The following CC2D2B variants were observed in gnomAD, a reference collection of about 807,000 sequenced individuals.
CC2D2B encodes the protein coiled-coil and C2 domain containing 2B.
CC2D2B carries 128 observed loss-of-function variants against 161.2 expected under a neutral mutation model. The ratio of observed to expected loss-of-function variants is 0.79; its 90% CI spans 0.69 to 0.92. The LOEUF (loss-of-function observed/expected upper bound fraction) is 0.92. Ranked by LOEUF, CC2D2B falls within the 40% of genes least tolerant of loss-of-function variation. CC2D2B has a pLI of 0.00. For missense variants in CC2D2B, 1,173 were observed against 1,375.1 expected (o/e 0.85, Z 2.32); for synonymous variants, 391 against 449.8 (o/e 0.87, Z 1.65).
chr10:95,946,301 T>C (rs560961205), intron 9 of CC2D2B, among the ~76,000 whole-genome samples: 65 of 152,246 alleles, frequency 4.3e-4, no homozygotes, highest in Non-Finnish European at 7.9e-4. Context: ...CCACCTCATT[T>C]ACCCTCCTCT....
Position 96,027,276 on chromosome 10 carries a change from C to T in CC2D2B, c.4012C>T (p.Arg1338Ter), listed in dbSNP as rs374616081. 1,898 of 1,550,958 alleles carry T rather than the reference C, an allele frequency of 1.2e-3. 37 individuals are homozygous for T. The South Asian group carries it at 0.019, about 16-fold the overall frequency. ...ACCTAAACACCCAACACATTGGAAT[C>T]GACAGTGTACTTTTATTTTGCGACA... is the stretch of plus-strand genomic sequence containing the variant. ...WRPKHPTHWNRQCTFILRQIL... is the reference protein window; with the variant it reads ...WRPKHPTHWN Residue 1338 changes from arginine to a stop codon, truncating the protein, a stop_gained, in exon 34 of 35, where the codon CGA becomes TGA. Coordinates refer to ENST00000646931, the MANE Select transcript of CC2D2B (RefSeq NM_001349008.3). LOFTEE classifies it high-confidence loss of function.
chr10:96,005,149 C>T (rs894924710), intron 25 of CC2D2B, among the ~76,000 whole-genome samples: 2 of 152,092 alleles, frequency 1.3e-5, no homozygotes, highest in Non-Finnish European at 2.9e-5. Context: ...TTTTGATGAT[C>T]GAAATTGGTA....
intron 19 of CC2D2B, among the ~76,000 whole-genome samples, chr10:95,985,346 G>A (rs1237665101): frequency 6.6e-6 from 1 of 152,218 alleles, no homozygotes; most frequent in African/African-American, 2.4e-5. Flanking sequence ...ACCAGCTGAA[G>A]CCATGGCAGA....
intron 2 of CC2D2B, chr10:95,919,961 A>T (rs1673054774): frequency 6.6e-6 from 1 of 151,604 alleles, no homozygotes; most frequent in Non-Finnish European, 1.5e-5. Flanking sequence ...GCCAGTGGTG[A>T]CTATACCCTG....
Position 95,996,257 on chromosome 10 carries a change from G to C in CC2D2B, c.2849+5G>C. ...AGAAATTAAAGTAGATTTTGTGTAA[G>C]TTGGAGTTCATTTTTCCATAGCTCC... is the stretch of plus-strand genomic sequence containing the variant. On this transcript the variant is annotated splice_donor_5th_base_variant and intron_variant, in intron 24 of 34. Coordinates refer to ENST00000646931, the MANE Select transcript of CC2D2B (RefSeq NM_001349008.3). 7.6e-7 allele frequency: 1 copy of C among 1,310,980 alleles called. No individual in the cohort carries two copies. The highest frequency in any genetic ancestry group is 1.0e-6 in the Non-Finnish European group (1 of 971,518). 81.2% of individuals were successfully genotyped at this position (1,310,980 alleles called of 1,614,324 possible).
At chr10:96,011,352 C>T (rs1334925787) in intron 26 of CC2D2B, among the ~76,000 whole-genome samples, 1 of 152,136 alleles carries the variant, frequency 6.6e-6, no homozygotes, top group Admixed American at 6.6e-5. Context: ...CAAAGGTGGA[C>T]ACATCTGGGT....
intron 5 of CC2D2B, among the ~76,000 whole-genome samples, chr10:95,926,815 A>AGTGTGT (rs71486778): frequency 0.016 from 2,124 of 135,012 alleles, 43 homozygotes; most frequent in African/African-American, 0.03. Context: ...CTGAGGTGGC[A>AGTGTGT]GTGTGTGTGT....
intron 14 of CC2D2B, 131 bp downstream of exon 14, chr10:95,966,433 A>T (rs2076942623): frequency 2.8e-6 from 1 of 356,934 alleles, no homozygotes; most frequent in Non-Finnish European, 4.9e-6. Flanking sequence ...ACACATTTTC[A>T]TATTTAATTG....
intron 24 of CC2D2B, among the ~76,000 whole-genome samples, chr10:95,998,134 C>A (rs564058391): frequency 1.3e-5 from 2 of 151,530 alleles, no homozygotes; most frequent in East Asian, 3.9e-4. Flanking sequence ...CAATTTTAGG[C>A]TCACAAGAAA....
At chr10:96,019,428 A>T in intron 31 of CC2D2B, 91 bp downstream of exon 31, 2 of 1,255,060 alleles carry the variant, frequency 1.6e-6, no homozygotes, top group Non-Finnish European at 2.2e-6. Flanking sequence ...TTAAATATAG[A>T]TAGTCTATCA....
At position 95,941,250 on chromosome 10, in the gene CC2D2B, C is replaced by T. The variant is rs116911263; in HGVS notation, c.801+2325C>T. On this transcript the variant is annotated intron_variant, in intron 9 of 34. Transcript: ENST00000646931. The stretch of plus-strand genomic sequence containing the variant: ...AAACTATAAAACTCCTAGATGAGAA[C>T]GTGGAGGAAAGCCTTTATAACATCG... Among the ~76,000 whole-genome samples, 1,244 of 152,186 alleles carry T rather than the reference C, an allele frequency of 8.2e-3. 12 individuals carry two copies. The highest frequency in any genetic ancestry group is 0.011 in the Non-Finnish European group (732 of 67,980).
In CC2D2B at chr10:96,032,798, T is replaced by G. The variant is rs532313303; in HGVS notation, c.*790T>G. The G allele has an allele frequency of 2.1e-6, 1 of 470,372 alleles. No individual in the cohort carries two copies. Among genetic ancestry groups the G allele is most frequent in the Non-Finnish European group, 4.4e-6 (1 of 226,688 alleles). 29.1% of individuals were successfully genotyped at this position (470,372 alleles called of 1,614,324 possible). Reference sequence around the variant, plus strand: ...CCAGGAAACTCTAATTTCTCCCAATTCTGTGAGGGAGGAAATGGTCTTGAC... The same window carrying G: ...CCAGGAAACTCTAATTTCTCCCAATGCTGTGAGGGAGGAAATGGTCTTGAC... On this transcript the variant is annotated 3_prime_UTR_variant, in exon 35 of 35. Coordinates refer to ENST00000646931, the MANE Select transcript of CC2D2B (RefSeq NM_001349008.3).
At chr10:95,977,423 C>T (rs2077359941) in intron 17 of CC2D2B, among the ~76,000 whole-genome samples, 1 of 152,058 alleles carries the variant, frequency 6.6e-6, no homozygotes, top group African/African-American at 2.4e-5. Context: ...AAAAAAACAC[C>T]ACACCTCTCT....
chr10:95,971,476 A>G (rs1411726674), intron 15 of CC2D2B, among the ~76,000 whole-genome samples: 1 of 151,950 alleles, frequency 6.6e-6, no homozygotes, highest in Non-Finnish European at 1.5e-5. Flanking sequence ...ATATAGAATT[A>G]GAAGACCTGG....
intron 17 of CC2D2B, among the ~76,000 whole-genome samples, chr10:95,977,788 T>C (rs2077371547): frequency 6.6e-6 from 1 of 152,238 alleles, no homozygotes; most frequent in Non-Finnish European, 1.5e-5. Context: ...GGATTTATCA[T>C]TGCTATTTAT....
chr10:95,938,763 A>G lies in CC2D2B; in HGVS notation c.673-34A>G, dbSNP rs1422622270. 4.3e-6 allele frequency: 3 copies of G among 703,314 alleles called. No homozygotes were observed. In the East Asian group the frequency reaches 8.1e-5, roughly 19 times the overall value. 43.6% of individuals were successfully genotyped at this position (703,314 alleles called of 1,614,324 possible). A position where few individuals can be genotyped will look rare whatever the true frequency, so the allele number is the denominator to read the frequency against. On this transcript the variant is annotated intron_variant, in intron 8 of 34. Coordinates refer to ENST00000646931, the MANE Select transcript of CC2D2B (RefSeq NM_001349008.3). ...GCTACTATGTGACTTATTTAGCAAA[A>G]TATTTAATTACTATACTTAAATATT...
rs955941226 is a variant in CC2D2B at position 96,026,085 on chromosome 10, C to T, written c.3948-1127C>T. Among the ~76,000 whole-genome samples, 14 of 152,224 alleles carry T rather than the reference C, an allele frequency of 9.2e-5. 1 individual carries two copies. In the South Asian group the frequency reaches 1.0e-3, roughly 11 times the overall value. On this transcript the variant is annotated intron_variant, in intron 33 of 34. Transcript: ENST00000646931. ...CTGGAGGTGAAACATTTTGATAAGGCGCTACAGGTGATTCTGATGCATAGC... is the reference window on the plus strand; with the variant it reads ...CTGGAGGTGAAACATTTTGATAAGGTGCTACAGGTGATTCTGATGCATAGC...
chr10:96,031,909 T>A lies in CC2D2B; in HGVS notation c.4215T>A (p.Phe1405Leu), dbSNP rs775423117. ...AAACTGGAATTCACTCTGCTGAATT[T>A]CCCCAGACAGAATTTGCTTTAGCTG... ...VYQTGIHSAE[F>L]PQTEFALAVY... The change falls in exon 35 of 35, where the codon TTT becomes TTA. Residue 1405 changes from phenylalanine to leucine, a missense_variant. Transcript: ENST00000646931. 6 of 1,613,198 alleles carry A rather than the reference T, an allele frequency of 3.7e-6. No homozygotes were observed. The African/African-American group carries it at 5.3e-5, about 14-fold the overall frequency.
chr10:95,983,594 T>G lies in CC2D2B; in HGVS notation c.2083-12T>G. 8.3e-7 allele frequency: 1 copy of G among 1,201,958 alleles called. No homozygotes were observed. Among genetic ancestry groups the G allele is most frequent in the Non-Finnish European group, 1.0e-6 (1 of 960,510 alleles). 74.5% of individuals were successfully genotyped at this position (1,201,958 alleles called of 1,614,324 possible). On this transcript the variant is annotated splice_polypyrimidine_tract_variant and intron_variant, in intron 18 of 34. Transcript: ENST00000646931. ...AAATTAATATTTTAACTAAAGACTT[T>G]GCGTTTTACAGTACATGAGACTTAA...
Sources: allele counts gnomAD v4.1 joint callset (sites outside exome capture counted in the v4.1 genomes callset), GRCh38; gene constraint gnomAD v4.1.1; transcripts MANE v1.5; gene names NCBI Gene and HGNC (gene_info 2026-07-23, HGNC 2026-07-21).